Variants in RPAP2 observed in about 807,000 individuals in gnomAD.
RPAP2 encodes the protein putative RNA polymerase II subunit B1 CTD phosphatase RPAP2.
Under a neutral mutation model 73.1 loss-of-function variants are expected in RPAP2, and 52 were observed. The ratio of observed to expected loss-of-function variants is 0.71; its 90% CI spans 0.57 to 0.90. RPAP2 has a LOEUF of 0.90. Among genes scored for constraint, RPAP2 ranks in the 40% least tolerant of loss-of-function variants. The pLI, the probability that RPAP2 is intolerant of heterozygous loss-of-function variation, is 0.00. For missense variants in RPAP2, 598 were observed against 701.8 expected, an observed-to-expected ratio of 0.85 and a Z score of 1.67; for synonymous variants, 225 against 242.1, an observed-to-expected ratio of 0.93 and a Z score of 0.65.
chr1:92,318,862 A>T (rs1435310699), intron 6 of RPAP2, among the ~76,000 whole-genome samples: 11 of 152,202 alleles, frequency 7.2e-5, no homozygotes, highest in Admixed American at 7.2e-4. Context: ...GAGAGAAATG[A>T]GTACAGATTC....
At chr1:92,327,751 C>T (rs931963845) in intron 8 of RPAP2, among the ~76,000 whole-genome samples, 3 of 151,540 alleles carry the variant, frequency 2.0e-5, no homozygotes, top group African/African-American at 7.3e-5. Context: ...TTTATAGGTC[C>T]TGTGAGATTT....
In RPAP2 at chr1:92,370,358, G is replaced by A. The variant is rs369944497; in HGVS notation, c.1689-10366G>A. ...CTGCAAACACCAATCCCAATAGGGA[G>A]TAGTCAGATGGCATCTATAAGGAAA... On this transcript the variant is annotated intron_variant, in intron 11 of 12. Coordinates refer to ENST00000610020, the MANE Select transcript of RPAP2 (RefSeq NM_024813.3). Among the ~76,000 whole-genome samples, 15 of 152,282 alleles carry A rather than the reference G, an allele frequency of 9.9e-5. No individual in the cohort carries two copies. In the East Asian group the frequency reaches 2.3e-3, roughly 23 times the overall value.
chr1:92,323,147 T>A (rs6693801), intron 7 of RPAP2, among the ~76,000 whole-genome samples: 2,758 of 149,362 alleles, frequency 0.018, 75 homozygotes, highest in African/African-American at 0.061. Flanking sequence ...TCAAGTTTTT[T>A]AAAAAGTTTT....
intron 8 of RPAP2, among the ~76,000 whole-genome samples, chr1:92,324,960 G>A (rs1424329093): frequency 6.6e-6 from 1 of 152,240 alleles, no homozygotes; most frequent in Middle Eastern, 3.4e-3. Flanking sequence ...TTCTTGGTCT[G>A]TTTGCTCATC....
intron 12 of RPAP2, among the ~76,000 whole-genome samples, chr1:92,386,771 G>T (rs1399785191): frequency 6.6e-6 from 1 of 151,974 alleles, no homozygotes; most frequent in Non-Finnish European, 1.5e-5. Flanking sequence ...TGCAATCTTG[G>T]CTCACTGCAA....
chr1:92,299,227 G>C, intron 1 of RPAP2, 81 bp downstream of exon 1: 2 of 838,864 alleles, frequency 2.4e-6, no homozygotes, highest in South Asian at 5.1e-5. Context: ...GCGCGCGGGC[G>C]CTCCTGAAAG....
At chr1:92,349,927 AAAT>A (rs1358905709) in intron 11 of RPAP2, among the ~76,000 whole-genome samples, 1 of 152,134 alleles carries the variant, frequency 6.6e-6, no homozygotes, top group African/African-American at 2.4e-5. Flanking sequence ...ACCTTATCTC[AAAT>A]AATAATAATA....
intron 11 of RPAP2, among the ~76,000 whole-genome samples, chr1:92,348,672 C>G (rs1049088933): frequency 1.3e-5 from 2 of 152,120 alleles, no homozygotes; most frequent in Non-Finnish European, 2.9e-5. Flanking sequence ...AACTGATAGA[C>G]TTTTTTTATC....
intron 10 of RPAP2, among the ~76,000 whole-genome samples, chr1:92,340,456 T>C (rs1358315178): frequency 6.6e-6 from 1 of 152,008 alleles, no homozygotes; most frequent in African/African-American, 2.4e-5. Context: ...TGGGAAAGAG[T>C]TGACATAAAT....
At chr1:92,337,264 A>G (rs1356231126) in intron 10 of RPAP2, among the ~76,000 whole-genome samples, 1 of 152,146 alleles carries the variant, frequency 6.6e-6, no homozygotes, top group Non-Finnish European at 1.5e-5. Context: ...GTGTAAAATT[A>G]CAGTACAGGA....
At chr1:92,322,091 A>T (rs931549000) in intron 7 of RPAP2, among the ~76,000 whole-genome samples, 23 of 151,238 alleles carry the variant, frequency 1.5e-4, no homozygotes, top group Non-Finnish European at 2.7e-4. Flanking sequence ...GACTACAGGC[A>T]TGCGCCACCA....
At position 92,323,616 on chromosome 1, in the gene RPAP2, A is replaced by G; in HGVS notation, c.696A>G (p.Arg232=). Residue 232 remains arginine (R), a synonymous_variant, in exon 8 of 13, where the codon AGA becomes AGG. Transcript: ENST00000610020. The stretch of plus-strand genomic sequence containing the variant: ...TTTCCTCCATTCTACCAGGAAACAG[A>G]CCAAATTCAACAAATATTAGACCAC... ...DFVSSILPGN[R]PNSTNIRPQL... The G allele has an allele frequency of 1.9e-6, 3 of 1,614,110 alleles. No homozygotes were observed. Among genetic ancestry groups the G allele is most frequent in the South Asian group, 2.2e-5 (2 of 91,082 alleles).
intron 6 of RPAP2, among the ~76,000 whole-genome samples, chr1:92,308,595 A>C (rs1279965057): frequency 6.6e-6 from 1 of 152,138 alleles, no homozygotes; most frequent in African/African-American, 2.4e-5. Context: ...AAAACCATTT[A>C]CCAAATTACC....
intron 12 of RPAP2, among the ~76,000 whole-genome samples, chr1:92,386,104 G>C (rs1034133041): frequency 1.3e-5 from 2 of 152,216 alleles, no homozygotes; most frequent in Non-Finnish European, 2.9e-5. Flanking sequence ...GTGAGCCAGT[G>C]AGAGAGGATA....
intron 11 of RPAP2, among the ~76,000 whole-genome samples, chr1:92,354,737 C>T (rs147296708): frequency 1.2e-3 from 175 of 152,088 alleles, no homozygotes; most frequent in Non-Finnish European, 1.9e-3. Flanking sequence ...TTCATAGTGA[C>T]ATACTTCTTA....
chr1:92,357,812 G>A (rs989351322), intron 11 of RPAP2, among the ~76,000 whole-genome samples: 2 of 152,242 alleles, frequency 1.3e-5, no homozygotes, highest in Admixed American at 6.5e-5. Context: ...GATTACAGGC[G>A]TGAGCCACCA....
Position 92,387,630 on chromosome 1 carries a change from A to C in RPAP2, c.*619A>C, listed in dbSNP as rs1236573080. On this transcript the variant is annotated 3_prime_UTR_variant, in exon 13 of 13. Coordinates refer to ENST00000610020, the MANE Select transcript of RPAP2 (RefSeq NM_024813.3). ...ATGTTTATCAGGTAGGCAAGTTAGC[A>C]GTTGAGGCGGAACACAGACAACTTG... The C allele has an allele frequency of 6.6e-6, 1 of 152,212 alleles. No individual in the cohort carries two copies. The highest frequency in any genetic ancestry group is 1.9e-4 in the East Asian group (1 of 5,196). The allele number at this position is 152,212 out of a possible 1,614,324, so 9.4% of individuals were successfully genotyped here. A position where few individuals can be genotyped will look rare whatever the true frequency, so the allele number is the denominator to read the frequency against.
intron 11 of RPAP2, among the ~76,000 whole-genome samples, chr1:92,364,981 C>T (rs932913428): frequency 2.6e-5 from 4 of 152,186 alleles, no homozygotes; most frequent in African/African-American, 9.7e-5. Context: ...ACCTTATTTC[C>T]CTTTTATGTC....
chr1:92,333,978 T>C (rs1168586876), intron 9 of RPAP2, among the ~76,000 whole-genome samples: 1 of 152,216 alleles, frequency 6.6e-6, no homozygotes, highest in Non-Finnish European at 1.5e-5. Context: ...TTATTGTTCT[T>C]GTAATTAGCC....
Sources: gnomAD v4.1 joint callset for allele counts (sites outside exome capture counted in the v4.1 genomes callset) on GRCh38, gnomAD v4.1.1 for gene constraint, MANE v1.5 for transcripts, NCBI Gene and HGNC (gene_info 2026-07-23, HGNC 2026-07-21) for gene names.